GALNT13: variants seen among roughly 807,000 people sequenced by gnomAD.
GALNT13 encodes the protein UDP-GalNAc:polypeptide N-acetylgalactosaminyltransferase 13.
In GALNT13, 28 loss-of-function variants were observed where a neutral mutation model predicts 64.2. The ratio of observed to expected loss-of-function variants is 0.44; its 90% CI spans 0.32 to 0.60. GALNT13 has a LOEUF of 0.60. GALNT13 is among the 20% of genes least tolerant of loss of function. The pLI is 0.05. For synonymous variants in GALNT13, 214 were observed against 224.6 expected (o/e 0.95, Z 0.42); for missense variants, 577 against 669.8 (o/e 0.86, Z 1.53).
At chr2:154,269,906 G>GTGTATATATATATATATATACATATATA (rs529424469) in intron 8 of GALNT13, among the ~76,000 whole-genome samples, 1 of 96,884 alleles carries the variant, frequency 1.0e-5, no homozygotes, top group Non-Finnish European at 2.1e-5. Context: ...ATATATATGT[G>GTGTATATATATATATATATACATATATA]TATATATATA....
chr2:154,071,032 A>C (rs759820494), intron 3 of GALNT13, among the ~76,000 whole-genome samples: 1 of 152,140 alleles, frequency 6.6e-6, no homozygotes, highest in Non-Finnish European at 1.5e-5. Flanking sequence ...TTTTTCTATA[A>C]GTTGGATTTC....
At chr2:153,758,705 G>A in the GALNT13 span, among the ~76,000 whole-genome samples, 3 of 152,122 alleles carry the variant, frequency 2.0e-5, no homozygotes, top group Non-Finnish European at 2.9e-5. Flanking sequence ...CAATTCTGGT[G>A]CCTCAGTGTC....
the GALNT13 span, among the ~76,000 whole-genome samples, chr2:153,199,328 A>G: frequency 6.6e-6 from 1 of 152,244 alleles, no homozygotes; most frequent in African/African-American, 2.4e-5. Context: ...CTTACCATTC[A>G]GCTGGAGCCA....
At chr2:154,385,454 C>T (rs1698467425) in intron 9 of GALNT13, among the ~76,000 whole-genome samples, 1 of 151,856 alleles carries the variant, frequency 6.6e-6, no homozygotes, top group Admixed American at 6.6e-5. Flanking sequence ...ATGACCCATT[C>T]TAGTAGAGTG....
chr2:154,151,611 C>A (rs1684030652), intron 4 of GALNT13, among the ~76,000 whole-genome samples: 1 of 152,158 alleles, frequency 6.6e-6, no homozygotes, highest in African/African-American at 2.4e-5. Context: ...AAACTGGGTG[C>A]TCCTGTATTG....
chr2:154,061,209 T>C (rs758209408), intron 3 of GALNT13, among the ~76,000 whole-genome samples: 43 of 152,158 alleles, frequency 2.8e-4, no homozygotes, highest in Non-Finnish European at 3.2e-4. Flanking sequence ...ATCTTAGTAA[T>C]ATATTTTATG....
the GALNT13 span, among the ~76,000 whole-genome samples, chr2:153,779,084 G>A: frequency 5.6e-4 from 85 of 152,226 alleles, no homozygotes; most frequent in African/African-American, 1.9e-3. Flanking sequence ...ATTAATGTTT[G>A]TGAGCTCCTA....
intron 9 of GALNT13, among the ~76,000 whole-genome samples, chr2:154,343,645 C>T (rs1284544896): frequency 6.6e-6 from 1 of 151,932 alleles, no homozygotes; most frequent in Non-Finnish European, 1.5e-5. Flanking sequence ...TGAAACTTAC[C>T]TATGTTGATC....
intron 3 of GALNT13, among the ~76,000 whole-genome samples, chr2:153,965,909 A>G (rs1340993229): frequency 3.4e-5 from 5 of 147,916 alleles, no homozygotes; most frequent in Non-Finnish European, 7.4e-5. Context: ...TCTCATAACA[A>G]ATTGTTTTAG....
chr2:154,442,646 A>G (rs1407383840), intron 12 of GALNT13, among the ~76,000 whole-genome samples: 3 of 152,076 alleles, frequency 2.0e-5, no homozygotes, highest in Non-Finnish European at 4.4e-5. Flanking sequence ...CATTAATTCT[A>G]TTGTTTTCAG....
At chr2:153,232,152 T>A in the GALNT13 span, among the ~76,000 whole-genome samples, 1 of 152,222 alleles carries the variant, frequency 6.6e-6, no homozygotes, top group Non-Finnish European at 1.5e-5. Flanking sequence ...AGTACTTTCA[T>A]GTGTTCAGGA....
At chr2:153,484,961 T>G in the GALNT13 span, among the ~76,000 whole-genome samples, 1 of 152,216 alleles carries the variant, frequency 6.6e-6, no homozygotes, top group African/African-American at 2.4e-5. Flanking sequence ...TATAAACTTG[T>G]GTTTTTACTG....
At chr2:153,674,827 C>T in the GALNT13 span, among the ~76,000 whole-genome samples, 1 of 152,030 alleles carries the variant, frequency 6.6e-6, no homozygotes, top group Non-Finnish European at 1.5e-5. Flanking sequence ...TATCCATAAT[C>T]TACAAAAAAC....
chr2:153,823,758 A>T, the GALNT13 span, among the ~76,000 whole-genome samples: 1 of 152,202 alleles, frequency 6.6e-6, no homozygotes, highest in Non-Finnish European at 1.5e-5. Context: ...AAAAACAAAA[A>T]TTGACAAGTG....
the GALNT13 span, among the ~76,000 whole-genome samples, chr2:153,345,683 CTT>C: frequency 3.3e-3 from 452 of 136,800 alleles, 4 homozygotes; most frequent in Admixed American, 9.9e-3. Context: ...TTCTTTCTTT[CTT>C]TCTTTCTTTC....
At chr2:153,174,403 C>T in the GALNT13 span, among the ~76,000 whole-genome samples, 2 of 151,946 alleles carry the variant, frequency 1.3e-5, no homozygotes, top group African/African-American at 2.4e-5. Flanking sequence ...AATCACATGC[C>T]TAATCTCCTG....
intron 2 of GALNT13, among the ~76,000 whole-genome samples, chr2:153,919,973 T>G (rs1486245223): frequency 6.8e-6 from 1 of 147,196 alleles, no homozygotes; most frequent in African/African-American, 2.5e-5. Flanking sequence ...CCATTATATA[T>G]AATACAGTTA....
At position 154,385,170 on chromosome 2, in the gene GALNT13, TGATG is replaced by T. The variant is rs775311761; in HGVS notation, c.1157-10815_1157-10812del. ...TCTAACTAGCTTCCTGCAGCACTAG[TGATG>T]GATGGGGCATAATTTTAAAGCACTT... On this transcript the variant is annotated intron_variant, in intron 9 of 12. Coordinates refer to ENST00000392825, the MANE Select transcript of GALNT13 (RefSeq NM_052917.4). 1.3e-3 allele frequency among the ~76,000 whole-genome samples: 191 copies of T among 152,052 alleles called. 1 individual carries two copies. Among genetic ancestry groups the T allele is most frequent in the Non-Finnish European group, 6.9e-4 (47 of 67,872 alleles).
chr2:153,436,172 T>G, the GALNT13 span, among the ~76,000 whole-genome samples: 1 of 152,234 alleles, frequency 6.6e-6, no homozygotes. Flanking sequence ...ATCCCAGGGA[T>G]GAAGCCCACG....
Sources: allele counts gnomAD v4.1 joint callset (sites outside exome capture counted in the v4.1 genomes callset), GRCh38; gene constraint gnomAD v4.1.1; transcripts MANE v1.5; gene names NCBI Gene and HGNC (gene_info 2026-07-23, HGNC 2026-07-21).